The following PAX6 variants were observed in gnomAD, a reference collection of about 807,000 sequenced individuals.
PAX6 encodes the protein paired box 6, also known as paired box protein Pax-6.
A neutral mutation model predicts 60.7 loss-of-function variants in PAX6; 7 were observed. The observed-to-expected ratio is 0.12, with a 90% CI of 0.07 to 0.22. The LOEUF is 0.22. Ranked by LOEUF, PAX6 falls within the 10% of genes least tolerant of loss-of-function variation. The pLI, the probability that PAX6 is intolerant of heterozygous loss-of-function variation, is 1.00. For synonymous variants in PAX6, 208 were observed against 201.2 expected, an observed-to-expected ratio of 1.03 and a Z score of -0.29; for missense variants, 355 against 555.2, an observed-to-expected ratio of 0.64 and a Z score of 3.62.
chr11:31,801,407 C>A (rs2135078366), intron 7 of PAX6, 154 bp downstream of exon 7: 2 of 1,527,850 alleles, frequency 1.3e-6, no homozygotes, highest in East Asian at 2.5e-5. Context: ...AAAGTCAGGG[C>A]ATTCCTCTCT....
At chr11:31,791,839 CAA>C (rs1050215542) in intron 12 of PAX6, 7 of 152,146 alleles carry the variant, frequency 4.6e-5, no homozygotes, top group Non-Finnish European at 1.0e-4. Flanking sequence ...CTCCAAAATT[CAA>C]AGAGTAGTTT....
At chr11:31,799,885 A>T (rs1171442369) in intron 8 of PAX6, among the ~76,000 whole-genome samples, 1 of 151,950 alleles carries the variant, frequency 6.6e-6, no homozygotes, top group Non-Finnish European at 1.5e-5. Context: ...ACTGTTTCCT[A>T]TTCTTGACCA....
chr11:31,801,665 T>G lies in PAX6; in HGVS notation c.295A>C (p.Ser99Arg). Residue 99 changes from serine to arginine, a missense_variant, in exon 7 of 14, where the codon AGC becomes CGC. Physicochemically the swap from Ser to Arg is moderately radical, Grantham distance 110 (BLOSUM62 -1). Around this residue, in one of 5 missense-constraint regions of PAX6, gnomAD observed 143 missense variants for 183.6 expected, o/e 0.78. Coordinates refer to ENST00000640368, the MANE Select transcript of PAX6 (RefSeq NM_001368894.2). Reference protein sequence around the residue: ...KPRVATPEVVSKIAQYKRECP... With the variant: ...KPRVATPEVVRKIAQYKRECP... ...TCCCGCTTATACTGGGCTATTTTGC[T>G]TACAACTTCTGGAGTCGCTACTCTC... The G allele has an allele frequency of 6.2e-7, 1 of 1,614,184 alleles. No individual in the cohort carries two copies. The highest frequency in any genetic ancestry group is 8.5e-7 in the Non-Finnish European group (1 of 1,180,040).
chr11:31,790,120 A>C lies in PAX6; in HGVS notation c.1226-101T>G, dbSNP rs926580744. 2.5e-4 allele frequency: 193 copies of C among 760,194 alleles called. 5 individuals are homozygous for C. Among genetic ancestry groups the C allele is most frequent in the Middle Eastern group, 2.9e-4 (1 of 3,494 alleles). 47.1% of individuals were successfully genotyped at this position (760,194 alleles called of 1,614,324 possible). A position where few individuals can be genotyped will look rare whatever the true frequency, so the allele number is the denominator to read the frequency against. ...TACAAAAAAAAAAAAAAAAAAAAAAACTAATACTTTCTAACATTTTTTACT... is the reference window on the plus strand; with the variant it reads ...TACAAAAAAAAAAAAAAAAAAAAAACCTAATACTTTCTAACATTTTTTACT... On this transcript the variant is annotated intron_variant, in intron 13 of 13. Transcript: ENST00000640368.
intron 9 of PAX6, chr11:31,794,407 A>T: frequency 1.7e-6 from 1 of 588,174 alleles, no homozygotes. Flanking sequence ...AAGAAGAAAC[A>T]CACACACACA....
chr11:31,811,910 TGCCGG>T (rs1355403736), upstream of PAX6: 1 of 152,124 alleles, frequency 6.6e-6, no homozygotes, highest in East Asian at 1.9e-4. Flanking sequence ...GAGAGGAGGT[TGCCGG>T]GCCGAGAACT....
chr11:31,813,396 G>T (rs557488322), upstream of PAX6, among the ~76,000 whole-genome samples: 17 of 104,952 alleles, frequency 1.6e-4, no homozygotes, highest in Admixed American at 3.4e-4. Flanking sequence ...GGGCGGGGGG[G>T]GGGGAAGTGA....
Position 31,806,468 on chromosome 11 carries a change from A to G in PAX6, c.-51-6T>C. 6.3e-7 allele frequency: 1 copy of G among 1,590,884 alleles called. No individual in the cohort carries two copies. ...CGGGGCTCGAATATGGGGCTCTGTT[A>G]GCAAGAAAATAGGAGTTAATCCTCG... is the stretch of plus-strand genomic sequence containing the variant. On this transcript the variant is annotated splice_region_variant and splice_polypyrimidine_tract_variant and intron_variant, in intron 3 of 13. Coordinates refer to ENST00000640368, the MANE Select transcript of PAX6 (RefSeq NM_001368894.2).
rs775873080 is a variant in PAX6 at position 31,806,389 on chromosome 11, C to T, written c.10+13G>A. ...CCCGAGCCCGAAGTCCCAGAAAGAC[C>T]AGAGGCACTTACTGTTCTGCATGCT... On this transcript the variant is annotated intron_variant, in intron 4 of 13. Transcript: ENST00000640368. 6.2e-6 allele frequency: 10 copies of T among 1,608,274 alleles called. No homozygotes were observed. Among genetic ancestry groups the T allele is most frequent in the Non-Finnish European group, 8.5e-6 (10 of 1,177,628 alleles).
chr11:31,800,695 C>T lies in PAX6; in HGVS notation c.561G>A (p.Thr187=), dbSNP rs771257263. 7.4e-6 allele frequency: 12 copies of T among 1,613,962 alleles called. No individual in the cohort carries two copies. The highest frequency in any genetic ancestry group is 3.3e-4 in the Middle Eastern group (2 of 6,070). ...GGATGGCTGCTTGGGTTTTACCTTG[C>T]GTAGGTTGCCCTGGCACCGAAGTCC... The part of the protein sequence containing the change: ...YPGTSVPGQP[T]QDGCQQQEGG... Residue 187 remains threonine, a synonymous_variant, in exon 8 of 14, where the codon ACG becomes ACA. Transcript: ENST00000640368.
chr11:31,797,796 T>C (rs2057691169), intron 8 of PAX6, among the ~76,000 whole-genome samples: 1 of 152,082 alleles, frequency 6.6e-6, no homozygotes, highest in Non-Finnish European at 1.5e-5. Context: ...ACGATAAACC[T>C]AAGTGGTGGA....
intron 13 of PAX6, 77 bp downstream of exon 13, chr11:31,790,633 A>C (rs919139773): frequency 6.3e-7 from 1 of 1,599,564 alleles, no homozygotes; most frequent in East Asian, 2.2e-5. Flanking sequence ...CTCCCATAAG[A>C]CCAGGAGATT....
upstream of PAX6, among the ~76,000 whole-genome samples, chr11:31,815,158 C>G (rs1429152903): frequency 6.6e-6 from 1 of 152,190 alleles, no homozygotes; most frequent in African/African-American, 2.4e-5. Context: ...CCTCCCAGTC[C>G]CTCCATGCTG....
intron 4 of PAX6, chr11:31,805,849 T>C (rs1276421148): frequency 6.5e-6 from 1 of 153,464 alleles, no homozygotes; most frequent in African/African-American, 2.4e-5. Flanking sequence ...AACAGCGAGT[T>C]TACCACCCCT....
intron 8 of PAX6, among the ~76,000 whole-genome samples, chr11:31,796,147 G>A (rs1951432294): frequency 6.6e-6 from 1 of 152,206 alleles, no homozygotes; most frequent in Admixed American, 6.5e-5. Context: ...GCCACCATAT[G>A]GGCCCTTGGA....
intron 8 of PAX6, among the ~76,000 whole-genome samples, chr11:31,800,383 A>T (rs145370261): frequency 6.6e-6 from 1 of 152,120 alleles, no homozygotes; most frequent in African/African-American, 2.4e-5. Context: ...TCTAATGTCA[A>T]ATTTGAATAG....
upstream of PAX6, among the ~76,000 whole-genome samples, chr11:31,813,362 T>C (rs1207492709): frequency 1.4e-5 from 1 of 73,578 alleles, no homozygotes; most frequent in African/African-American, 5.7e-5. Context: ...AAGTCCGCTG[T>C]GCATGAGCGA....
intron 12 of PAX6, chr11:31,791,703 T>G (rs1326422050): frequency 6.6e-6 from 1 of 152,128 alleles, no homozygotes; most frequent in East Asian, 1.9e-4. Context: ...ATGTTTAATT[T>G]CCAAAATCCA....
chr11:31,802,666 C>A (rs948709721), intron 5 of PAX6, 38 bp downstream of exon 5: 22 of 1,595,946 alleles, frequency 1.4e-5, no homozygotes, highest in African/African-American at 1.3e-4. Context: ...AGTGGAGGGC[C>A]GCGGGGGCGG....
Sources: gnomAD v4.1 joint callset for allele counts (sites outside exome capture counted in the v4.1 genomes callset) on GRCh38, gnomAD v4.1.1 for gene constraint, gnomAD v4.1.1 regional missense constraint, MANE v1.5 for transcripts, NCBI Gene and HGNC (gene_info 2026-07-23, HGNC 2026-07-21) for gene names.